The following ZNF521 variants were observed in gnomAD, a reference collection of about 807,000 sequenced individuals.
ZNF521 encodes the protein zinc finger protein 521.
Under a neutral mutation model 105.5 loss-of-function variants are expected in ZNF521, and 14 were observed. The observed-to-expected ratio is 0.13, with a 90% confidence interval of 0.09 to 0.21. ZNF521 has a LOEUF of 0.21. ZNF521 is among the 10% of genes least tolerant of loss of function. The pLI is 1.00. For synonymous variants in ZNF521, 635 were observed against 606.0 expected (o/e 1.05, Z -0.70); for missense variants, 1,233 against 1,629.7 (o/e 0.76, Z 4.19).
Position 25,225,927 on chromosome 18 carries a change from A to G in ZNF521, c.1991T>C (p.Leu664Ser), listed in dbSNP as rs1357584454. ...TTCCTTGTTGCACTGAGGACAGGTC[A>G]ATTTTGGAAGCACAGTGTCGAGATG... ...KTHLDTVLPK[L>S]TCPQCNKEFP... Residue 664 changes from leucine (L) to serine (S), a missense_variant, in exon 4 of 8, where the codon TTG becomes TCG. Physicochemically the swap from Leu to Ser is moderately radical, Grantham distance 145. Around this residue, in one of 6 missense-constraint regions of ZNF521, gnomAD observed 614 missense variants for 751.5 expected, o/e 0.82. Coordinates refer to ENST00000361524, the MANE Select transcript of ZNF521 (RefSeq NM_015461.3). The surrounding 1 kb of genome is among the most constrained non-coding windows in gnomAD (Gnocchi z 5.6). 1.9e-6 allele frequency: 3 copies of G among 1,614,008 alleles called. No individual in the cohort carries two copies. Among genetic ancestry groups the G allele is most frequent in the Non-Finnish European group, 2.5e-6 (3 of 1,180,032 alleles).
At chr18:25,201,418 A>G (rs1600147966) in intron 4 of ZNF521, 1 of 152,112 alleles carries the variant, frequency 6.6e-6, no homozygotes, top group Non-Finnish European at 1.5e-5. Context: ...ACCACTTTCT[A>G]TTGCTGGAAA....
Position 25,227,411 on chromosome 18 carries a change from G to T in ZNF521, c.507C>A (p.Thr169=), listed in dbSNP as rs370530167. The change falls in exon 4 of 8, where the codon ACC becomes ACA. Residue 169 remains threonine, a synonymous_variant. Coordinates refer to ENST00000361524, the MANE Select transcript of ZNF521 (RefSeq NM_015461.3). This position sits in a 1 kb window ranked among gnomAD's most constrained non-coding sequence, Gnocchi z 5.7. ...CACTGCAGTGGTACTTCTTGTCCCC[G>T]GTGTGGAGTTTTATGTGGCGATCTC... ...RSRDRHIKLH[T]GDKKYHCSEC... 13 of 1,613,960 alleles carry T rather than the reference G, an allele frequency of 8.1e-6. No homozygotes were observed. The African/African-American group carries it at 1.7e-4, about 22-fold the overall frequency.
intron 2 of ZNF521, among the ~76,000 whole-genome samples, chr18:25,347,862 T>C (rs1914529690): frequency 6.6e-6 from 1 of 152,212 alleles, no homozygotes; most frequent in African/African-American, 2.4e-5. Context: ...AAATTGACAG[T>C]CATGTCAGCA....
chr18:25,285,665 G>T (rs1215684549), intron 3 of ZNF521, among the ~76,000 whole-genome samples: 1 of 151,438 alleles, frequency 6.6e-6, no homozygotes, highest in Non-Finnish European at 1.5e-5. Flanking sequence ...ACTACAGACA[G>T]ATTTTGTAGT....
At chr18:25,297,744 C>A (rs1243512514) in intron 3 of ZNF521, among the ~76,000 whole-genome samples, 1 of 152,130 alleles carries the variant, frequency 6.6e-6, no homozygotes, top group Non-Finnish European at 1.5e-5. Context: ...TAAACAGTTT[C>A]TCTACCAGTT....
chr18:25,089,402 G>A (rs1294021067), intron 7 of ZNF521, 63 bp downstream of exon 7: 21 of 1,243,290 alleles, frequency 1.7e-5, no homozygotes, highest in Non-Finnish European at 2.1e-5. Flanking sequence ...GATTTAAAAT[G>A]CCCCTGTTTA....
At chr18:25,190,051 T>A in intron 5 of ZNF521, among the ~76,000 whole-genome samples, 1 of 152,196 alleles carries the variant, frequency 6.6e-6, no homozygotes, top group East Asian at 1.9e-4. Context: ...CCCTTTTGTA[T>A]GGTCCATGTA....
At position 25,075,287 on chromosome 18, in the gene ZNF521, AAC is replaced by A. The variant is rs1297608682; in HGVS notation, c.3907-12548_3907-12547del. ...CTTCATTAAACCGCCTGGCATTTCA[AAC>A]ACAAATGCAAACCAGCCACAACACA... On this transcript the variant is annotated intron_variant, in intron 7 of 7. Coordinates refer to ENST00000361524, the MANE Select transcript of ZNF521 (RefSeq NM_015461.3). Among the ~76,000 whole-genome samples the A allele has an allele frequency of 3.9e-5, 6 of 152,354 alleles. No homozygotes were observed. The East Asian group carries it at 1.2e-3, about 29-fold the overall frequency.
At chr18:25,283,652 A>T (rs1437765984) in intron 3 of ZNF521, among the ~76,000 whole-genome samples, 2 of 152,236 alleles carry the variant, frequency 1.3e-5, no homozygotes, top group Non-Finnish European at 2.9e-5. Flanking sequence ...CATAAACTTA[A>T]ATGGAAAATA....
At chr18:25,246,827 T>C (rs1168709832) in intron 3 of ZNF521, among the ~76,000 whole-genome samples, 2 of 152,228 alleles carry the variant, frequency 1.3e-5, no homozygotes, top group Admixed American at 1.3e-4. Context: ...ATCTTGACCA[T>C]AGTCTTTACT....
At chr18:25,076,342 C>G (rs1167713600) in intron 7 of ZNF521, among the ~76,000 whole-genome samples, 2 of 152,172 alleles carry the variant, frequency 1.3e-5, no homozygotes, top group Admixed American at 6.5e-5. Context: ...GAAGAAAGAC[C>G]TGTTACAGGG....
Position 25,225,313 on chromosome 18 carries a change from G to T in ZNF521, c.2605C>A (p.His869Asn). The change falls in exon 4 of 8, where the codon CAC (histidine) becomes AAC (asparagine). Residue 869 changes from histidine to asparagine, a missense_variant. His to Asn is a moderately conservative substitution (Grantham distance 68, BLOSUM62 1). Coordinates refer to ENST00000361524, the MANE Select transcript of ZNF521 (RefSeq NM_015461.3). The surrounding 1 kb of genome is among the most constrained non-coding windows in gnomAD (Gnocchi z 5.6). ...QTLLTNSQES[H>N]NSHDGSEEDV... ...TCTTCGCTCCCATCGTGACTGTTGTGGGACTCCTGGCTGTTGGTCAGCAAA... is the reference window on the plus strand; with the variant it reads ...TCTTCGCTCCCATCGTGACTGTTGTTGGACTCCTGGCTGTTGGTCAGCAAA... 1 of 1,614,112 alleles carries T rather than the reference G, an allele frequency of 6.2e-7. No homozygotes were observed. The highest frequency in any genetic ancestry group is 1.1e-5 in the South Asian group (1 of 91,072).
chr18:25,191,888 A>G (rs547458550), intron 5 of ZNF521, among the ~76,000 whole-genome samples: 1 of 152,278 alleles, frequency 6.6e-6, no homozygotes, highest in South Asian at 2.1e-4. Context: ...ATAACAATAA[A>G]TATTTACTAT....
At chr18:25,287,835 G>A (rs905181111) in intron 3 of ZNF521, among the ~76,000 whole-genome samples, 3 of 152,172 alleles carry the variant, frequency 2.0e-5, no homozygotes, top group African/African-American at 7.2e-5. Context: ...AGGACTGTGT[G>A]ACTTCAGATT....
At chr18:25,138,673 A>G (rs1600082415) in intron 5 of ZNF521, among the ~76,000 whole-genome samples, 1 of 152,200 alleles carries the variant, frequency 6.6e-6, no homozygotes, top group African/African-American at 2.4e-5. Flanking sequence ...GATCTTTCAT[A>G]CTTTTCAAAT....
intron 5 of ZNF521, among the ~76,000 whole-genome samples, chr18:25,171,048 TTAAAA>T (rs2035440751): frequency 6.6e-6 from 1 of 152,132 alleles, no homozygotes; most frequent in Admixed American, 6.5e-5. Context: ...GACAGACAAC[TTAAAA>T]TAATTGCATT....
chr18:25,346,859 T>C (rs1374521665), intron 2 of ZNF521, among the ~76,000 whole-genome samples: 3 of 152,186 alleles, frequency 2.0e-5, no homozygotes. Context: ...TAATTGTGTC[T>C]TGTGTTTAAC....
intron 5 of ZNF521, among the ~76,000 whole-genome samples, chr18:25,098,046 G>A (rs2033889023): frequency 6.6e-6 from 1 of 152,208 alleles, no homozygotes; most frequent in African/African-American, 2.4e-5. Context: ...TGGGTAGGGA[G>A]AGGAGAGGCA....
At chr18:25,135,942 T>C (rs1390069749) in intron 5 of ZNF521, among the ~76,000 whole-genome samples, 1 of 152,182 alleles carries the variant, frequency 6.6e-6, no homozygotes, top group Non-Finnish European at 1.5e-5. Flanking sequence ...CTGTAAGATC[T>C]TGTTAAAAAC....
Sources: allele counts gnomAD v4.1 joint callset (sites outside exome capture counted in the v4.1 genomes callset), GRCh38; gene constraint gnomAD v4.1.1; regional missense constraint gnomAD v4.1.1; non-coding constraint Gnocchi (gnomAD v3.1); transcripts MANE v1.5; gene names NCBI Gene and HGNC (gene_info 2026-07-23, HGNC 2026-07-21).